The following CCDC39 variants were observed in gnomAD, a reference collection of about 807,000 sequenced individuals.
The protein encoded by CCDC39 is coiled-coil domain-containing protein 39.
CCDC39 carries 113 observed loss-of-function variants against 121.0 expected under a neutral mutation model. That is an observed-to-expected ratio of 0.93 (90% CI 0.80 to 1.09). The LOEUF is 1.09. Among genes scored for constraint, CCDC39 ranks in the 50% least tolerant of loss-of-function variants. The pLI, the probability that CCDC39 is intolerant of heterozygous loss-of-function variation, is 0.00. For synonymous variants in CCDC39, 349 were observed against 352.2 expected (o/e 0.99, Z 0.10); for missense variants, 1,063 against 1,074.7 (o/e 0.99, Z 0.15).
At chr3:180,671,427 T>C (rs1339743911) in intron 1 of CCDC39, among the ~76,000 whole-genome samples, 2 of 152,186 alleles carry the variant, frequency 1.3e-5, no homozygotes, top group Admixed American at 6.5e-5. Context: ...GCAGTACCTC[T>C]GCTGCTGCAT....
intron 1 of CCDC39, among the ~76,000 whole-genome samples, chr3:180,665,557 C>G (rs1009980859): frequency 6.6e-6 from 1 of 151,622 alleles, no homozygotes; most frequent in Non-Finnish European, 1.5e-5. Context: ...ACTTTTAATT[C>G]CCTCTCGTTT....
At chr3:180,618,592 G>A (rs1160333213) in intron 16 of CCDC39, among the ~76,000 whole-genome samples, 1 of 151,944 alleles carries the variant, frequency 6.6e-6, no homozygotes, top group Non-Finnish European at 1.5e-5. Flanking sequence ...AGTGTGTGAT[G>A]ATCCCCTTCC....
intron 2 of CCDC39, among the ~76,000 whole-genome samples, chr3:180,662,493 A>G (rs190166283): frequency 9.0e-4 from 137 of 152,226 alleles, no homozygotes; most frequent in African/African-American, 2.3e-3. Flanking sequence ...GTTTTATGTA[A>G]TAAAAGAGTA....
chr3:180,642,332 C>T (rs1167599094), intron 12 of CCDC39, 131 bp from the exon 13 acceptor site: 2 of 485,760 alleles, frequency 4.1e-6, no homozygotes, highest in African/African-American at 4.0e-5. Flanking sequence ...AAGATATTAG[C>T]TAGGCCTAAA....
At chr3:180,621,994 T>G (rs1717442476) in intron 14 of CCDC39, among the ~76,000 whole-genome samples, 1 of 152,294 alleles carries the variant, frequency 6.6e-6, no homozygotes, top group Admixed American at 6.5e-5. Flanking sequence ...TTGCATTGAA[T>G]CTGTAGATTC....
chr3:180,632,724 C>T lies in CCDC39; in HGVS notation c.1875-1132G>A, dbSNP rs184389448. ...TGGAAAACAGATGGGGTAAGATTAA[C>T]GGAAAAAAAATAGACACACACGGAA... is the stretch of plus-strand genomic sequence containing the variant. On this transcript the variant is annotated intron_variant, in intron 13 of 19. Coordinates refer to ENST00000476379, the MANE Select transcript of CCDC39 (RefSeq NM_181426.2). 9.9e-5 allele frequency among the ~76,000 whole-genome samples: 15 copies of T among 151,740 alleles called. No individual in the cohort carries two copies. The East Asian group carries it at 2.3e-3, about 24-fold the overall frequency.
At chr3:180,650,898 C>T (rs1452901537) in intron 9 of CCDC39, among the ~76,000 whole-genome samples, 2 of 151,418 alleles carry the variant, frequency 1.3e-5, no homozygotes, top group African/African-American at 4.9e-5. Flanking sequence ...AATACAAAGA[C>T]ATCAAAATTA....
chr3:180,632,459 A>G (rs1717723084), intron 13 of CCDC39, among the ~76,000 whole-genome samples: 1 of 152,104 alleles, frequency 6.6e-6, no homozygotes, highest in Non-Finnish European at 1.5e-5. Flanking sequence ...TGCTAGAGAA[A>G]ACTCATGGTA....
chr3:180,656,925 A>G (rs1185667702), intron 6 of CCDC39, among the ~76,000 whole-genome samples: 1 of 152,202 alleles, frequency 6.6e-6, no homozygotes, highest in Non-Finnish European at 1.5e-5. Flanking sequence ...CTTGTTTAGC[A>G]TATAATCAAG....
At position 180,659,662 on chromosome 3, in the gene CCDC39, C is replaced by A. The variant is rs186993887; in HGVS notation, c.609+15G>T. On this transcript the variant is annotated intron_variant, in intron 5 of 19. Coordinates refer to ENST00000476379, the MANE Select transcript of CCDC39 (RefSeq NM_181426.2). ...ACCTTGAAAATTAAGAAATAAAAAT[C>A]TTCCTTAAACTAACCTGTGCGCTTA... 1.7e-5 allele frequency: 28 copies of A among 1,602,046 alleles called. No homozygotes were observed. The Admixed American group carries it at 3.6e-4, about 21-fold the overall frequency.
At chr3:180,678,920 A>C (rs945613745) in intron 1 of CCDC39, among the ~76,000 whole-genome samples, 2 of 152,164 alleles carry the variant, frequency 1.3e-5, no homozygotes, top group African/African-American at 4.8e-5. Context: ...GTTGCTATGC[A>C]AACCTCAGAA....
chr3:180,625,937 T>G (rs952165879), intron 14 of CCDC39, among the ~76,000 whole-genome samples: 1 of 151,988 alleles, frequency 6.6e-6, no homozygotes, highest in African/African-American at 2.4e-5. Context: ...TAGTGGATCC[T>G]GGAAGGCTGA....
intron 16 of CCDC39, among the ~76,000 whole-genome samples, chr3:180,618,392 G>A (rs1044473598): frequency 2.6e-5 from 4 of 151,752 alleles, no homozygotes; most frequent in African/African-American, 7.3e-5. Flanking sequence ...AATGTTTAGC[G>A]CCTGCTTACA....
At chr3:180,638,582 G>C (rs528444748) in intron 13 of CCDC39, among the ~76,000 whole-genome samples, 257 of 151,872 alleles carry the variant, frequency 1.7e-3, no homozygotes, top group African/African-American at 5.9e-3. Context: ...TTTTAAAAAA[G>C]TAAAGACATA....
At chr3:180,666,117 T>G (rs913034874) in intron 1 of CCDC39, among the ~76,000 whole-genome samples, 2 of 152,066 alleles carry the variant, frequency 1.3e-5, no homozygotes, top group African/African-American at 4.8e-5. Flanking sequence ...AAACACTGAC[T>G]CCCCATTCCC....
chr3:180,672,008 A>G (rs889163480), intron 1 of CCDC39, among the ~76,000 whole-genome samples: 1 of 152,228 alleles, frequency 6.6e-6, no homozygotes, highest in African/African-American at 2.4e-5. Context: ...ATATTAAAAG[A>G]AGATGCCATC....
chr3:180,651,676 T>C lies in CCDC39; in HGVS notation c.1035-143A>G, dbSNP rs539746895. The C allele has an allele frequency of 1.0e-5, 7 of 696,586 alleles. No homozygotes were observed. The South Asian group carries it at 1.2e-4, about 12-fold the overall frequency. 43.2% of individuals were successfully genotyped at this position (696,586 alleles called of 1,614,324 possible). A position where few individuals can be genotyped will look rare whatever the true frequency, so the allele number is the denominator to read the frequency against. ...CTTTTTATTACCACTACATATTTAA[T>C]AGACCATAAAAATATGGCTTCTGAG... On this transcript the variant is annotated intron_variant, in intron 8 of 19. Coordinates refer to ENST00000476379, the MANE Select transcript of CCDC39 (RefSeq NM_181426.2).
chr3:180,617,440 A>G (rs1459468136), intron 16 of CCDC39: 1 of 684,792 alleles, frequency 1.5e-6, no homozygotes. Context: ...CCTTCAGGAG[A>G]TATTCCAGAA....
At chr3:180,620,200 A>C (rs1353945974) in intron 14 of CCDC39, among the ~76,000 whole-genome samples, 1 of 152,016 alleles carries the variant, frequency 6.6e-6, no homozygotes, top group Non-Finnish European at 1.5e-5. Context: ...ACCGTGATGG[A>C]AATGTAGTAA....
Sources: allele counts gnomAD v4.1 joint callset (sites outside exome capture counted in the v4.1 genomes callset), GRCh38; gene constraint gnomAD v4.1.1; transcripts MANE v1.5; gene names NCBI Gene and HGNC (gene_info 2026-07-23, HGNC 2026-07-21).